The following CALN1 variants were observed in gnomAD, a reference collection of about 807,000 sequenced individuals.
CALN1 encodes calcium-binding protein 8.
In CALN1, 17 loss-of-function variants were observed where a neutral mutation model predicts 30.6. That is an observed-to-expected ratio of 0.56 (90% CI 0.38 to 0.83). The LOEUF (loss-of-function observed/expected upper bound fraction) is 0.83. CALN1 is among the 40% of genes least tolerant of loss of function. The pLI is 0.00. For synonymous variants in CALN1, 156 were observed against 131.4 expected, an observed-to-expected ratio of 1.19 and a Z score of -1.28; for missense variants, 291 against 354.9, an observed-to-expected ratio of 0.82 and a Z score of 1.45.
chr7:72,465,955 G>A, the CALN1 span, among the ~76,000 whole-genome samples: 19,583 of 152,146 alleles, frequency 0.13, 2,577 homozygotes, highest in African/African-American at 0.33. Flanking sequence ...AGACAATCCT[G>A]GGCTTGGGAA....
chr7:72,163,516 G>T (rs1213085361), intron 3 of CALN1, among the ~76,000 whole-genome samples: 1 of 151,852 alleles, frequency 6.6e-6, no homozygotes, highest in African/African-American at 2.4e-5. Context: ...GAATTAAAAT[G>T]AAGTTCAAAG....
chr7:72,059,355 C>A (rs1803490250), intron 4 of CALN1, among the ~76,000 whole-genome samples: 1 of 152,094 alleles, frequency 6.6e-6, no homozygotes, highest in Admixed American at 6.6e-5. Context: ...ATGAAGATTT[C>A]TTCAATAACC....
At chr7:72,179,536 G>A (rs1789605722) in intron 3 of CALN1, among the ~76,000 whole-genome samples, 1 of 151,968 alleles carries the variant, frequency 6.6e-6, no homozygotes, top group South Asian at 2.1e-4. Flanking sequence ...TTATCATCAT[G>A]AAAATTAAAA....
At chr7:72,434,414 C>T (rs1291035193) in intron 1 of CALN1, among the ~76,000 whole-genome samples, 2 of 150,628 alleles carry the variant, frequency 1.3e-5, no homozygotes, top group African/African-American at 2.4e-5. Flanking sequence ...CACAGCTATT[C>T]GGGAGGCTGA....
chr7:71,878,570 T>A, intron 5 of CALN1, among the ~76,000 whole-genome samples: 1 of 152,190 alleles, frequency 6.6e-6, no homozygotes, highest in Non-Finnish European at 1.5e-5. Context: ...ACAGAATCCC[T>A]AAAAGCCGGA....
chr7:72,145,484 C>T (rs1053708417), intron 3 of CALN1, among the ~76,000 whole-genome samples: 6 of 152,040 alleles, frequency 3.9e-5, no homozygotes, highest in African/African-American at 7.2e-5. Context: ...AATTAATAGC[C>T]TACCAACCAA....
At chr7:72,083,146 A>G (rs1805260763) in intron 4 of CALN1, among the ~76,000 whole-genome samples, 1 of 152,088 alleles carries the variant, frequency 6.6e-6, no homozygotes, top group Admixed American at 6.5e-5. Context: ...GGATGCAGTG[A>G]GCCGAGATCG....
chr7:72,406,886 G>A (rs1311339314), intron 1 of CALN1, among the ~76,000 whole-genome samples: 4 of 152,084 alleles, frequency 2.6e-5, no homozygotes, highest in African/African-American at 9.7e-5. Flanking sequence ...AAAGTGCTGG[G>A]ATTACAGACA....
intron 3 of CALN1, among the ~76,000 whole-genome samples, chr7:72,264,821 C>T (rs551796101): frequency 6.6e-6 from 1 of 152,204 alleles, no homozygotes; most frequent in East Asian, 1.9e-4. Context: ...TTTCCTGATC[C>T]TCTCCCTCCT....
At chr7:72,128,212 A>G (rs1437384221) in intron 3 of CALN1, among the ~76,000 whole-genome samples, 1 of 152,218 alleles carries the variant, frequency 6.6e-6, no homozygotes, top group Non-Finnish European at 1.5e-5. Flanking sequence ...AACACAAGCA[A>G]TAGGCGATTA....
rs1049605943 is a variant in CALN1, at chr7:72,037,588, C to T, written c.389-13819G>A. ...CATCAAGGTTCAGAGGAAGGAAACA[C>T]TGCAATCATCAGTGACCAGAACACA... On this transcript the variant is annotated intron_variant, in intron 4 of 6. Transcript: ENST00000395275. Among the ~76,000 whole-genome samples, 52 of 152,214 alleles carry T rather than the reference C, an allele frequency of 3.4e-4. 1 individual carries two copies. The highest frequency in any genetic ancestry group is 3.4e-3 in the Admixed American group (52 of 15,280).
chr7:72,086,716 G>A (rs2129539367), intron 4 of CALN1, among the ~76,000 whole-genome samples: 1 of 152,246 alleles, frequency 6.6e-6, no homozygotes, highest in East Asian at 1.9e-4. Flanking sequence ...TTTTTACACA[G>A]GCGTGAGCCA....
chr7:71,849,480 G>A (rs866461410), intron 5 of CALN1, among the ~76,000 whole-genome samples: 16 of 148,126 alleles, frequency 1.1e-4, no homozygotes, highest in African/African-American at 4.0e-4. Context: ...TCAATTTAGC[G>A]ATTCCATGAG....
intron 5 of CALN1, among the ~76,000 whole-genome samples, chr7:71,831,888 A>C (rs1415492817): frequency 1.3e-5 from 2 of 149,980 alleles, no homozygotes; most frequent in Admixed American, 6.7e-5. Context: ...AAAAAAAAAA[A>C]AAAAAAAAAC....
chr7:72,100,142 T>C (rs758193705), intron 4 of CALN1, among the ~76,000 whole-genome samples: 15 of 129,996 alleles, frequency 1.2e-4, no homozygotes, highest in Non-Finnish European at 2.1e-4. Flanking sequence ...AAATCTTTTT[T>C]TTAATTTTTT....
intron 1 of CALN1, among the ~76,000 whole-genome samples, chr7:72,419,271 C>T (rs1807532132): frequency 1.3e-5 from 2 of 152,186 alleles, no homozygotes; most frequent in South Asian, 4.2e-4. Context: ...ATCACCACAA[C>T]CCATTTTAGA....
intron 5 of CALN1, among the ~76,000 whole-genome samples, chr7:71,891,774 T>C (rs1584458501): frequency 6.6e-6 from 1 of 151,748 alleles, no homozygotes; most frequent in Admixed American, 6.6e-5. Flanking sequence ...TGAAGCCCCG[T>C]CTCTACTAAA....
chr7:72,103,820 C>A (rs1806880133), intron 4 of CALN1, among the ~76,000 whole-genome samples: 1 of 151,904 alleles, frequency 6.6e-6, no homozygotes, highest in Non-Finnish European at 1.5e-5. Context: ...ATGGGAACGT[C>A]CAGACAGAAG....
intron 2 of CALN1, among the ~76,000 whole-genome samples, chr7:72,302,033 G>A (rs1799301065): frequency 6.6e-6 from 1 of 151,740 alleles, no homozygotes; most frequent in African/African-American, 2.4e-5. Flanking sequence ...AGAGCTGAGA[G>A]GCTGCTAAAA....
Sources: allele counts gnomAD v4.1 joint callset (sites outside exome capture counted in the v4.1 genomes callset), GRCh38; gene constraint gnomAD v4.1.1; transcripts MANE v1.5; gene names NCBI Gene and HGNC (gene_info 2026-07-23, HGNC 2026-07-21).